The following ANO2 variants were observed in gnomAD, a reference collection of about 807,000 sequenced individuals.
ANO2 encodes the protein anoctamin 2.
A neutral mutation model predicts 124.2 loss-of-function variants in ANO2; 101 were observed. That is an observed-to-expected ratio of 0.81 (90% CI 0.69 to 0.96). The LOEUF (loss-of-function observed/expected upper bound fraction) is 0.96, where lower values mean the gene tolerates loss of function less well. Among genes scored for constraint, ANO2 ranks in the 40% least tolerant of loss-of-function variants. The probability of loss-of-function intolerance (pLI) is 0.00; values close to 1 mark genes in which losing one functional copy is unlikely to be tolerated. For missense variants in ANO2, 1,293 were observed against 1,274.5 expected (o/e 1.01, Z -0.22); for synonymous variants, 486 against 482.5 (o/e 1.01, Z -0.09).
At chr12:5,687,435 C>G (rs1035696038) in intron 14 of ANO2, among the ~76,000 whole-genome samples, 1 of 152,206 alleles carries the variant, frequency 6.6e-6, no homozygotes. Context: ...ATTCTTGAAA[C>G]CCTGGATATA....
intron 14 of ANO2, among the ~76,000 whole-genome samples, chr12:5,704,697 ATGTGTG>A (rs3067798): frequency 2.0e-5 from 3 of 148,664 alleles, no homozygotes; most frequent in Admixed American, 1.3e-4. Context: ...TGGTGTGTGT[ATGTGTG>A]TGTGTGTGTG....
intron 10 of ANO2, among the ~76,000 whole-genome samples, chr12:5,774,644 G>T (rs777121054): frequency 2.0e-5 from 3 of 152,248 alleles, no homozygotes; most frequent in East Asian, 3.9e-4. Flanking sequence ...TAATGTTTCC[G>T]AAGGACACCT....
intron 7 of ANO2, among the ~76,000 whole-genome samples, chr12:5,808,712 G>A (rs951742511): frequency 3.9e-5 from 6 of 152,126 alleles, no homozygotes; most frequent in Non-Finnish European, 5.9e-5. Context: ...CTGAATAAAC[G>A]CCGAGGTTGG....
chr12:5,631,732 G>A (rs1945728623), intron 16 of ANO2, among the ~76,000 whole-genome samples: 1 of 152,314 alleles, frequency 6.6e-6, no homozygotes, highest in South Asian at 2.1e-4. Context: ...ACAGCAGCAT[G>A]AGCAAGGCCG....
chr12:5,632,593 G>A (rs1419648163), intron 16 of ANO2, among the ~76,000 whole-genome samples: 1 of 152,068 alleles, frequency 6.6e-6, no homozygotes, highest in Non-Finnish European at 1.5e-5. Flanking sequence ...CAAGGAGGGT[G>A]TGCCAGTAGA....
chr12:5,901,849 C>T (rs767470523), intron 3 of ANO2, among the ~76,000 whole-genome samples: 7 of 152,212 alleles, frequency 4.6e-5, no homozygotes, highest in African/African-American at 1.2e-4. Context: ...TTGCCTAGGA[C>T]ATAAGAGCAT....
At chr12:5,924,012 T>A (rs919486740) in intron 1 of ANO2, among the ~76,000 whole-genome samples, 3 of 152,208 alleles carry the variant, frequency 2.0e-5, no homozygotes, top group African/African-American at 7.2e-5. Context: ...CCCAGAGCAG[T>A]GATTAGCCTG....
chr12:5,661,783 G>GA, intron 14 of ANO2, among the ~76,000 whole-genome samples: 1 of 152,174 alleles, frequency 6.6e-6, no homozygotes. Context: ...ATCTGTTTTT[G>GA]AAAATGCTTC....
At chr12:5,706,874 G>A (rs1480995469) in intron 14 of ANO2, among the ~76,000 whole-genome samples, 2 of 152,190 alleles carry the variant, frequency 1.3e-5, no homozygotes, top group African/African-American at 4.8e-5. Context: ...ACTTTCCCAA[G>A]GACATAGAGC....
intron 9 of ANO2, 50 bp downstream of exon 9, chr12:5,806,002 C>T: frequency 6.3e-7 from 1 of 1,587,338 alleles, no homozygotes. Flanking sequence ...CCACACCCAC[C>T]CGTAGTCTCG....
Position 5,925,330 on chromosome 12 carries a change from G to A in ANO2, c.23-2526C>T, listed in dbSNP as rs1410289470. On this transcript the variant is annotated intron_variant, in intron 1 of 24. Transcript: ENST00000682330. The surrounding 1 kb of genome is among the most constrained non-coding windows in gnomAD (Gnocchi z 4.6). ...CTGGAGTTTGAGGCTGACATTCAGG[G>A]CCCTCACTAGCCATCGCAGTTGCTC... Among the ~76,000 whole-genome samples, 5 of 152,144 alleles carry A rather than the reference G, an allele frequency of 3.3e-5. No individual in the cohort carries two copies. The highest frequency in any genetic ancestry group is 4.4e-5 in the Non-Finnish European group (3 of 68,022).
At chr12:5,668,977 C>T (rs367602853) in intron 14 of ANO2, among the ~76,000 whole-genome samples, 3 of 151,862 alleles carry the variant, frequency 2.0e-5, no homozygotes, top group East Asian at 3.9e-4. Context: ...AGTTGGGTAG[C>T]GTGATGCCTC....
chr12:5,693,800 G>T (rs1949044678), intron 14 of ANO2, among the ~76,000 whole-genome samples: 1 of 152,050 alleles, frequency 6.6e-6, no homozygotes, highest in South Asian at 2.1e-4. Context: ...CCTCTGCCCG[G>T]ATTCCTTTCC....
chr12:5,764,332 G>A (rs1201272004), intron 10 of ANO2, among the ~76,000 whole-genome samples: 1 of 152,108 alleles, frequency 6.6e-6, no homozygotes, highest in African/African-American at 2.4e-5. Context: ...GGTGTATTGA[G>A]GACTAATTGC....
chr12:5,782,226 A>G (rs1459369736), intron 10 of ANO2, among the ~76,000 whole-genome samples: 1 of 152,014 alleles, frequency 6.6e-6, no homozygotes, highest in Non-Finnish European at 1.5e-5. Context: ...CTTTTCCCAG[A>G]CCCTACTGTC....
intron 14 of ANO2, among the ~76,000 whole-genome samples, chr12:5,717,252 G>C (rs1399673043): frequency 2.0e-5 from 3 of 152,174 alleles, no homozygotes; most frequent in Admixed American, 6.5e-5. Flanking sequence ...CTACCAGTTG[G>C]AGGACAAGCT....
intron 13 of ANO2, among the ~76,000 whole-genome samples, chr12:5,738,782 A>G (rs115450176): frequency 3.5e-4 from 53 of 152,340 alleles, no homozygotes; most frequent in African/African-American, 1.3e-3. Flanking sequence ...TCATCTGTCC[A>G]GAACACTGCT....
chr12:5,915,427 G>C (rs1941322617), intron 3 of ANO2, among the ~76,000 whole-genome samples: 2 of 151,914 alleles, frequency 1.3e-5, no homozygotes, highest in African/African-American at 2.4e-5. Flanking sequence ...AGCATGCCCA[G>C]GTATCAAGGA....
intron 14 of ANO2, among the ~76,000 whole-genome samples, chr12:5,676,306 C>T (rs1948239300): frequency 6.6e-6 from 1 of 152,192 alleles, no homozygotes; most frequent in Admixed American, 6.5e-5. Flanking sequence ...AGATAAAAGG[C>T]AAACATGCTG....
Sources: allele counts gnomAD v4.1 joint callset (sites outside exome capture counted in the v4.1 genomes callset), GRCh38; gene constraint gnomAD v4.1.1; non-coding constraint Gnocchi (gnomAD v3.1); transcripts MANE v1.5; gene names NCBI Gene and HGNC (gene_info 2026-07-23, HGNC 2026-07-21).